Variants in MYO5B observed in about 807,000 individuals in gnomAD.
MYO5B encodes myosin VB, also known as unconventional myosin-Vb.
In MYO5B, 143 loss-of-function variants were observed where a neutral mutation model predicts 229.3. The observed-to-expected ratio is 0.62, with a 90% CI of 0.54 to 0.72. MYO5B has a LOEUF of 0.72. Among genes scored for constraint, MYO5B ranks in the 30% least tolerant of loss-of-function variants. MYO5B has a pLI of 0.00. For synonymous variants in MYO5B, 918 were observed against 885.2 expected, an observed-to-expected ratio of 1.04 and a Z score of -0.66; for missense variants, 2,321 against 2,331.0, an observed-to-expected ratio of 1.00 and a Z score of 0.09.
chr18:49,962,522 G>T, intron 11 of MYO5B, 116 bp from the exon 12 acceptor site: 1 of 1,404,802 alleles, frequency 7.1e-7, no homozygotes, highest in Non-Finnish European at 1.0e-6. Flanking sequence ...GCCAGATAAG[G>T]TTTGGATGCT....
chr18:49,845,245 C>A (rs138000662), intron 33 of MYO5B, among the ~76,000 whole-genome samples: 1 of 152,196 alleles, frequency 6.6e-6, no homozygotes, highest in Admixed American at 6.5e-5. Flanking sequence ...GATAAACTTA[C>A]ACCACATTTA....
chr18:50,040,044 G>A, intron 3 of MYO5B, 99 bp downstream of exon 3: 1 of 1,309,778 alleles, frequency 7.6e-7, no homozygotes. Context: ...ACTTACAAAT[G>A]AGAGAGTGAA....
intron 1 of MYO5B, among the ~76,000 whole-genome samples, chr18:50,176,940 T>C (rs1419126266): frequency 2.0e-5 from 3 of 152,206 alleles, no homozygotes; most frequent in Non-Finnish European, 1.5e-5. Flanking sequence ...TGAAGTCGTC[T>C]TAAACTATGT....
At chr18:49,879,491 C>T in intron 23 of MYO5B, 1 of 257,554 alleles carries the variant, frequency 3.9e-6, no homozygotes, top group Non-Finnish European at 7.5e-6. Flanking sequence ...TTAAAGGCGA[C>T]TGGGGTAAAA....
chr18:49,886,724 C>A (rs572203880), intron 22 of MYO5B, among the ~76,000 whole-genome samples: 1 of 152,004 alleles, frequency 6.6e-6, no homozygotes, highest in East Asian at 1.9e-4. Flanking sequence ...TAAAATGTGA[C>A]CTGGTGTTGA....
intron 1 of MYO5B, among the ~76,000 whole-genome samples, chr18:50,087,739 C>T (rs1015227558): frequency 3.7e-4 from 57 of 152,234 alleles, no homozygotes; most frequent in African/African-American, 1.3e-3. Flanking sequence ...AGGGCTGTGT[C>T]ATGAAGCCCA....
chr18:49,975,251 G>C (rs887065071), intron 9 of MYO5B, among the ~76,000 whole-genome samples: 1 of 152,126 alleles, frequency 6.6e-6, no homozygotes, highest in Non-Finnish European at 1.5e-5. Context: ...CCCTTCGAAG[G>C]CACTAGCCAT....
chr18:49,961,610 ATATTTACCCCTTT>A (rs1167041599), intron 12 of MYO5B, among the ~76,000 whole-genome samples: 8 of 152,238 alleles, frequency 5.3e-5, no homozygotes, highest in Non-Finnish European at 1.0e-4. Context: ...GAACTGGTAT[ATATTTACCCCTTT>A]TAGCAATCAA....
intron 1 of MYO5B, among the ~76,000 whole-genome samples, chr18:50,183,571 T>C (rs556289098): frequency 2.0e-5 from 3 of 151,630 alleles, no homozygotes; most frequent in Non-Finnish European, 2.9e-5. Context: ...GGATGTTAAG[T>C]GAGAGATGGA....
chr18:50,064,528 C>T (rs966668722), intron 1 of MYO5B: 7 of 152,188 alleles, frequency 4.6e-5, no homozygotes, highest in African/African-American at 1.4e-4. Flanking sequence ...TATTAAAAAT[C>T]TTTAAGTCAC....
intron 1 of MYO5B, among the ~76,000 whole-genome samples, chr18:50,151,628 G>C (rs545562635): frequency 6.6e-6 from 1 of 152,240 alleles, no homozygotes; most frequent in East Asian, 1.9e-4. Context: ...ATTAAACTAT[G>C]CAAGAAAAAT....
chr18:49,941,710 C>T (rs1332033062), intron 14 of MYO5B, among the ~76,000 whole-genome samples: 1 of 151,940 alleles, frequency 6.6e-6, no homozygotes, highest in African/African-American at 2.4e-5. Flanking sequence ...ATTCCATGCT[C>T]ATGGGTAGGA....
chr18:50,029,380 G>A (rs535324102), intron 4 of MYO5B, among the ~76,000 whole-genome samples: 45 of 152,250 alleles, frequency 3.0e-4, no homozygotes, highest in African/African-American at 8.4e-4. Context: ...AGACAGGGCC[G>A]GAGAAGAGAT....
chr18:50,163,461 G>T (rs1483745969), intron 1 of MYO5B, among the ~76,000 whole-genome samples: 1 of 152,136 alleles, frequency 6.6e-6, no homozygotes, highest in Non-Finnish European at 1.5e-5. Context: ...TACCTGTCAC[G>T]TTAAGGAAGA....
At chr18:50,051,619 A>C (rs1009627586) in intron 2 of MYO5B, among the ~76,000 whole-genome samples, 25 of 152,306 alleles carry the variant, frequency 1.6e-4, no homozygotes, top group African/African-American at 6.0e-4. Flanking sequence ...CTCTAAAAAC[A>C]GTCTTGTGCT....
intron 1 of MYO5B, among the ~76,000 whole-genome samples, chr18:50,105,006 A>C (rs1015115474): frequency 6.6e-6 from 1 of 151,926 alleles, no homozygotes; most frequent in African/African-American, 2.4e-5. Flanking sequence ...AGGACTCCAG[A>C]GGGGGTACAC....
chr18:49,852,028 G>A lies in MYO5B; in HGVS notation c.4221+1421C>T, dbSNP rs2144058011. 2.0e-5 allele frequency among the ~76,000 whole-genome samples: 3 copies of A among 152,258 alleles called. No individual in the cohort carries two copies. In the South Asian group the frequency reaches 6.2e-4, roughly 32 times the overall value. ...CCTCCTTGCCCGGCCAGCAGCACAG[G>A]CCCCTACTCATGACCCAGTGTCACC... On this transcript the variant is annotated intron_variant, in intron 31 of 39. Transcript: ENST00000285039.
intron 1 of MYO5B, among the ~76,000 whole-genome samples, chr18:50,143,866 T>C (rs956565618): frequency 1.3e-5 from 2 of 152,186 alleles, no homozygotes; most frequent in African/African-American, 4.8e-5. Context: ...AAGCACATTC[T>C]GCCCTATTCG....
At chr18:50,077,516 C>A (rs906103781) in intron 1 of MYO5B, among the ~76,000 whole-genome samples, 1 of 124,660 alleles carries the variant, frequency 8.0e-6, no homozygotes, top group African/African-American at 4.2e-5. Flanking sequence ...CACACACACA[C>A]ACACACACAC....
Sources: allele counts gnomAD v4.1 joint callset (sites outside exome capture counted in the v4.1 genomes callset), GRCh38; gene constraint gnomAD v4.1.1; transcripts MANE v1.5; gene names NCBI Gene and HGNC (gene_info 2026-07-23, HGNC 2026-07-21).